Variants in DRC10 observed in about 807,000 individuals in gnomAD.
DRC10 encodes IQ domain-containing protein D.
At chr12:113,200,588 GCGCCTGCTCTGCCTCC>G in the DRC10 span, 1 of 1,521,494 alleles carries the variant, frequency 6.6e-7, no homozygotes, top group East Asian at 2.6e-5. Flanking sequence ...ACCTTCCTCA[GCGCCTGCTCTGCCTCC>G]CGGTTCTCCA....
the DRC10 span, among the ~76,000 whole-genome samples, chr12:113,196,594 A>G: frequency 6.6e-6 from 1 of 152,188 alleles, no homozygotes; most frequent in Non-Finnish European, 1.5e-5. Context: ...CCCCGCCTGC[A>G]AAGCTCCCCT....
At chr12:113,200,079 T>C in the DRC10 span, 2,893 of 287,190 alleles carry the variant, frequency 0.01, 44 homozygotes, top group Middle Eastern at 0.017. Context: ...ACACTTACTA[T>C]GCACCAGCTC....
the DRC10 span, chr12:113,207,903 C>T: frequency 4.3e-6 from 7 of 1,614,098 alleles, no homozygotes; most frequent in Non-Finnish European, 5.1e-6. Flanking sequence ...TCACTGCCCT[C>T]ATGACGTCCT....
chr12:113,203,681 G>A, the DRC10 span, among the ~76,000 whole-genome samples: 1 of 151,762 alleles, frequency 6.6e-6, no homozygotes, highest in Non-Finnish European at 1.5e-5. Context: ...TCACCATGTT[G>A]GTCAGGCTGG....
the DRC10 span, chr12:113,203,154 T>A: frequency 1.8e-5 from 7 of 394,320 alleles, no homozygotes; most frequent in Admixed American, 9.0e-5. Flanking sequence ...GCTTCCTGAG[T>A]AGCTGGGACT....
At chr12:113,211,603 T>G in the DRC10 span, among the ~76,000 whole-genome samples, 1 of 151,936 alleles carries the variant, frequency 6.6e-6, no homozygotes, top group South Asian at 2.1e-4. Context: ...CATTCCAGCC[T>G]GAGCAACAGA....
the DRC10 span, among the ~76,000 whole-genome samples, chr12:113,203,960 G>A: frequency 3.3e-5 from 5 of 152,070 alleles, no homozygotes; most frequent in East Asian, 9.7e-4. Context: ...AAATTAATTA[G>A]GCAGGCATGG....
the DRC10 span, among the ~76,000 whole-genome samples, chr12:113,206,797 T>C: frequency 5.3e-5 from 8 of 150,128 alleles, no homozygotes; most frequent in East Asian, 3.9e-4. Context: ...TAGTGGCTCA[T>C]GCCTGTAACC....
At chr12:113,220,544 A>G in the DRC10 span, among the ~76,000 whole-genome samples, 1 of 152,128 alleles carries the variant, frequency 6.6e-6, no homozygotes, top group South Asian at 2.1e-4. Flanking sequence ...GTGAGCCACC[A>G]TGCTCGGCAA....
At chr12:113,220,107 A>G in the DRC10 span, among the ~76,000 whole-genome samples, 3 of 151,694 alleles carry the variant, frequency 2.0e-5, no homozygotes. Context: ...TTACAGGCTG[A>G]GCCACCGCGC....
At chr12:113,204,586 T>C in the DRC10 span, among the ~76,000 whole-genome samples, 1 of 152,252 alleles carries the variant, frequency 6.6e-6, no homozygotes, top group South Asian at 2.1e-4. Flanking sequence ...ACAGACCATC[T>C]GGCCCACAAA....
the DRC10 span, among the ~76,000 whole-genome samples, chr12:113,218,590 A>T: frequency 1.3e-5 from 2 of 152,074 alleles, no homozygotes; most frequent in Admixed American, 6.5e-5. Flanking sequence ...CTACAGGTGC[A>T]TACCACCATG....
chr12:113,216,344 A>G, the DRC10 span, among the ~76,000 whole-genome samples: 4 of 152,250 alleles, frequency 2.6e-5, no homozygotes, highest in Non-Finnish European at 5.9e-5. Flanking sequence ...GGAGATAGTA[A>G]AAAGATCAGT....
chr12:113,203,468 CCCCTT>C, the DRC10 span, among the ~76,000 whole-genome samples: 154 of 149,734 alleles, frequency 1.0e-3, 1 homozygote, highest in African/African-American at 3.2e-3. Flanking sequence ...CCCCTCCCCA[CCCCTT>C]CCCTTCCCTT....
chr12:113,197,449 A>G, the DRC10 span: 3 of 882,308 alleles, frequency 3.4e-6, no homozygotes, highest in African/African-American at 1.7e-5. Flanking sequence ...TGCCCACTCC[A>G]TGGACCATCC....
chr12:113,207,385 C>G, the DRC10 span: 1 of 1,464,662 alleles, frequency 6.8e-7, no homozygotes, highest in Non-Finnish European at 9.6e-7. Context: ...ACCCAACCAA[C>G]AAAAGATTTG....
chr12:113,218,640 AC>A, the DRC10 span, among the ~76,000 whole-genome samples: 1 of 150,838 alleles, frequency 6.6e-6, no homozygotes, highest in South Asian at 2.1e-4. Context: ...ATAGGGTCTC[AC>A]TTTGTTACCA....
chr12:113,200,406 G>A, the DRC10 span: 1 of 708,092 alleles, frequency 1.4e-6, no homozygotes, highest in South Asian at 1.5e-5. Flanking sequence ...ACACTGGCTT[G>A]GATTTGGGCC....
the DRC10 span, chr12:113,195,747 G>A: frequency 3.7e-6 from 6 of 1,613,858 alleles, no homozygotes; most frequent in Non-Finnish European, 4.2e-6. Context: ...CTCCTGCTCT[G>A]CCTCCATCCT....
Sources: gnomAD v4.1 joint callset for allele counts (sites outside exome capture counted in the v4.1 genomes callset) on GRCh38, gnomAD v4.1.1 for gene constraint, MANE v1.5 for transcripts, NCBI Gene and HGNC (gene_info 2026-07-23, HGNC 2026-07-21) for gene names.